The following PEX7 variants were observed in gnomAD, a reference collection of about 807,000 sequenced individuals.
PEX7 encodes peroxisomal biogenesis factor 7.
In PEX7, 34 loss-of-function variants were observed where a neutral mutation model predicts 47.5. That is an observed-to-expected ratio of 0.72 (90% CI 0.54 to 0.95). The LOEUF is 0.95. Ranked by LOEUF, PEX7 falls within the 40% of genes least tolerant of loss-of-function variation. The pLI is 0.00. For missense variants in PEX7, 394 were observed against 400.3 expected, an observed-to-expected ratio of 0.98 and a Z score of 0.13; for synonymous variants, 141 against 148.8, an observed-to-expected ratio of 0.95 and a Z score of 0.38.
In PEX7 at chr6:136,826,403, G is replaced by A. The variant is rs532273900; in HGVS notation, c.273G>A (p.Ser91=). ...HVLITCSGDG[S]LQLWDTAKAA... is the part of the protein sequence containing the mutation. ...TCATCACCTGTAGTGGCGATGGCTC[G>A]CTGCAGCTCTGGGACACTGCCAAAG... Residue 91 remains serine (S), a synonymous_variant, in exon 3 of 10, where the codon TCG becomes TCA. Transcript: ENST00000318471. 6.2e-7 allele frequency: 1 copy of A among 1,613,854 alleles called. No individual in the cohort carries two copies.
intron 3 of PEX7, among the ~76,000 whole-genome samples, chr6:136,844,859 C>G (rs912560227): frequency 6.6e-6 from 1 of 152,170 alleles, no homozygotes; most frequent in African/African-American, 2.4e-5. Context: ...ATACTTCCTA[C>G]GTATATGTGG....
intron 8 of PEX7, among the ~76,000 whole-genome samples, chr6:136,876,272 C>A (rs937747126): frequency 6.6e-6 from 1 of 152,080 alleles, no homozygotes; most frequent in Non-Finnish European, 1.5e-5. Context: ...CTCCTGACCT[C>A]GTGATCCACC....
chr6:136,884,199 T>A (rs894990213), intron 8 of PEX7, among the ~76,000 whole-genome samples: 2 of 152,172 alleles, frequency 1.3e-5, no homozygotes, highest in African/African-American at 2.4e-5. Flanking sequence ...GTGAGTCTAG[T>A]CTCATTATTT....
intron 8 of PEX7, among the ~76,000 whole-genome samples, chr6:136,891,840 T>G (rs1408509758): frequency 6.6e-6 from 1 of 152,174 alleles, no homozygotes; most frequent in Non-Finnish European, 1.5e-5. Flanking sequence ...AGACAGGGTT[T>G]CATCACGTTG....
intron 8 of PEX7, among the ~76,000 whole-genome samples, chr6:136,881,956 A>G (rs995160320): frequency 1.3e-5 from 2 of 152,204 alleles, no homozygotes; most frequent in Non-Finnish European, 1.5e-5. Context: ...TAGTTCAATA[A>G]TAGGAGATCT....
rs58922622 is a variant in PEX7 at position 136,837,361 on chromosome 6, C to CAAAAA, written c.340-8244_340-8240dup. ...TGGGCGACAGAGTGAGAGTCTGTCA[C>CAAAAA]AAAAAAAAAAAAAAGAAACTGAAAG... On this transcript the variant is annotated intron_variant, in intron 3 of 9. Coordinates refer to ENST00000318471, the MANE Select transcript of PEX7 (RefSeq NM_000288.4). Among the ~76,000 whole-genome samples, 83 of 83,462 alleles carry CAAAAA rather than the reference C, an allele frequency of 9.9e-4. 5 individuals carry two copies. The highest frequency in any genetic ancestry group is 3.2e-3 in the African/African-American group (67 of 21,246). The allele number at this position is 83,462 out of a possible 152,430, so 54.8% of individuals were successfully genotyped here.
At chr6:136,855,840 T>C (rs1180914342) in intron 5 of PEX7, 1 of 257,620 alleles carries the variant, frequency 3.9e-6, no homozygotes, top group African/African-American at 2.3e-5. Flanking sequence ...TATTGATTTG[T>C]TTTTAATCAT....
At chr6:136,903,336 C>CTTTTTTTTTT (rs552573661) in intron 9 of PEX7, among the ~76,000 whole-genome samples, 1 of 126,318 alleles carries the variant, frequency 7.9e-6, no homozygotes, top group Non-Finnish European at 1.6e-5. Context: ...CTTTCTTTCT[C>CTTTTTTTTTT]TTTTTTTTTT....
intron 3 of PEX7, among the ~76,000 whole-genome samples, chr6:136,844,188 G>A (rs1236475527): frequency 2.0e-5 from 3 of 151,906 alleles, no homozygotes; most frequent in Non-Finnish European, 4.4e-5. Flanking sequence ...AACATGGTGA[G>A]ACACTGTCTC....
chr6:136,850,522 C>T (rs1774724406), intron 5 of PEX7, among the ~76,000 whole-genome samples: 1 of 152,154 alleles, frequency 6.6e-6, no homozygotes, highest in Non-Finnish European at 1.5e-5. Flanking sequence ...ATGTTTAGGA[C>T]TTTACTTCAT....
chr6:136,867,155 T>C (rs1775086378), intron 6 of PEX7, among the ~76,000 whole-genome samples: 1 of 152,248 alleles, frequency 6.6e-6, no homozygotes, highest in South Asian at 2.1e-4. Flanking sequence ...TTTATCTTCC[T>C]TTTTAAGCCT....
Position 136,881,028 on chromosome 6 carries a change from CTG to C in PEX7, c.803+8776_803+8777del, listed in dbSNP as rs1409473984. Among the ~76,000 whole-genome samples, 3 of 152,138 alleles carry C rather than the reference CTG, an allele frequency of 2.0e-5. No homozygotes were observed. The East Asian group carries it at 5.8e-4, about 29-fold the overall frequency. On this transcript the variant is annotated intron_variant, in intron 8 of 9. Transcript: ENST00000318471. ...TGGCAACACAACAGAAAGGAAGAAA[CTG>C]GAACTGTGGAGCTAGATCACTGGCT...
At chr6:136,845,939 A>T (rs1312288504) in intron 4 of PEX7, 134 bp from the exon 5 acceptor site, 1 of 693,672 alleles carries the variant, frequency 1.4e-6, no homozygotes, top group Admixed American at 2.3e-5. Flanking sequence ...ACAGATCTTT[A>T]AAAATCCTTG....
At chr6:136,911,883 G>A (rs1775939376) in intron 9 of PEX7, among the ~76,000 whole-genome samples, 1 of 152,182 alleles carries the variant, frequency 6.6e-6, no homozygotes, top group South Asian at 2.1e-4. Flanking sequence ...TTCCAAAATG[G>A]TGGTACCATA....
chr6:136,890,170 A>G (rs563642858), intron 8 of PEX7, among the ~76,000 whole-genome samples: 1 of 152,376 alleles, frequency 6.6e-6, no homozygotes, highest in South Asian at 2.1e-4. Context: ...AACCACGTGG[A>G]GATTTAAAAA....
chr6:136,913,812 G>C lies in PEX7; in HGVS notation c.*286G>C, dbSNP rs1325231007. ...TGGGTCATAAAATGGATTAAAATAT[G>C]GGAGATCAGTAGGTTATACTTATAT... On this transcript the variant is annotated 3_prime_UTR_variant, in exon 10 of 10. Coordinates refer to ENST00000318471, the MANE Select transcript of PEX7 (RefSeq NM_000288.4). The C allele has an allele frequency of 1.6e-5, 6 of 364,808 alleles. No homozygotes were observed. The highest frequency in any genetic ancestry group is 1.3e-4 in the African/African-American group (6 of 47,700). 22.6% of individuals were successfully genotyped at this position (364,808 alleles called of 1,614,324 possible). A position where few individuals can be genotyped will look rare whatever the true frequency, so the allele number is the denominator to read the frequency against.
chr6:136,835,090 T>C (rs1176547957), intron 3 of PEX7, among the ~76,000 whole-genome samples: 2 of 151,784 alleles, frequency 1.3e-5, no homozygotes, highest in Non-Finnish European at 2.9e-5. Flanking sequence ...CAGGCATGAC[T>C]AATTTTGTAT....
At chr6:136,879,591 T>C (rs1007659138) in intron 8 of PEX7, among the ~76,000 whole-genome samples, 6 of 152,176 alleles carry the variant, frequency 3.9e-5, no homozygotes, top group Admixed American at 6.5e-5. Context: ...AGAACCCTTG[T>C]TGCATTTCAG....
intron 9 of PEX7, among the ~76,000 whole-genome samples, chr6:136,907,379 T>C (rs544434896): frequency 6.6e-6 from 1 of 152,334 alleles, no homozygotes; most frequent in African/African-American, 2.4e-5. Context: ...TCACTTTCTA[T>C]TGTAAGCTGG....
Sources: gnomAD v4.1 joint callset for allele counts (sites outside exome capture counted in the v4.1 genomes callset) on GRCh38, gnomAD v4.1.1 for gene constraint, MANE v1.5 for transcripts, NCBI Gene and HGNC (gene_info 2026-07-23, HGNC 2026-07-21) for gene names.